INPP4B: variants seen among roughly 807,000 people sequenced by gnomAD.
INPP4B encodes the protein inositol polyphosphate 4-phosphatase type II.
A neutral mutation model predicts 122.5 loss-of-function variants in INPP4B; 55 were observed. The ratio of observed to expected loss-of-function variants is 0.45; its 90% CI spans 0.36 to 0.56. The LOEUF is 0.56. INPP4B is among the 20% of genes least tolerant of loss of function. INPP4B has a pLI of 0.00. For synonymous variants in INPP4B, 403 were observed against 388.7 expected (o/e 1.04, Z -0.43); for missense variants, 1,000 against 1,097.7 (o/e 0.91, Z 1.26).
At chr4:142,256,017 G>C (rs138934241) in intron 11 of INPP4B, among the ~76,000 whole-genome samples, 6,332 of 149,638 alleles carry the variant, frequency 0.042, 262 homozygotes, top group East Asian at 0.19. Flanking sequence ...TAAGACCACA[G>C]TGCAATCAAA....
At chr4:142,160,293 T>A in intron 17 of INPP4B, 65 bp downstream of exon 17, 1 of 1,079,402 alleles carries the variant, frequency 9.3e-7, no homozygotes, top group Non-Finnish European at 1.3e-6. Flanking sequence ...CAGAGCTATC[T>A]GATCATTCCT....
At chr4:142,436,443 C>T (rs181199132) in intron 3 of INPP4B, among the ~76,000 whole-genome samples, 2 of 152,242 alleles carry the variant, frequency 1.3e-5, no homozygotes, top group Admixed American at 1.3e-4. Flanking sequence ...CTTCCCATGC[C>T]ACCCAACTGG....
chr4:142,689,458 C>A (rs1759843107), intron 2 of INPP4B, among the ~76,000 whole-genome samples: 1 of 152,148 alleles, frequency 6.6e-6, no homozygotes, highest in Non-Finnish European at 1.5e-5. Flanking sequence ...AAATTGCAAT[C>A]TGTTACTTTC....
chr4:142,545,808 C>CATATATATGTGTGTATAT (rs1208267611), intron 2 of INPP4B, among the ~76,000 whole-genome samples: 831 of 80,028 alleles, frequency 0.01, 78 homozygotes, highest in African/African-American at 0.029. Context: ...TATATATACA[C>CATATATATGTGTGTATAT]ATATACATGT....
rs1198104747 is a variant in INPP4B at position 142,061,865 on chromosome 4, TACACAC to T, written c.2642+20160_2642+20165del. 5.8e-3 allele frequency among the ~76,000 whole-genome samples: 241 copies of T among 41,322 alleles called. 2 individuals are homozygous for T. Among genetic ancestry groups the T allele is most frequent in the African/African-American group, 0.013 (226 of 17,392 alleles). 27.1% of individuals were successfully genotyped at this position (41,322 alleles called of 152,430 possible). A position where few individuals can be genotyped will look rare whatever the true frequency, so the allele number is the denominator to read the frequency against. On this transcript the variant is annotated intron_variant, in intron 25 of 25. Transcript: ENST00000262992. The stretch of plus-strand genomic sequence containing the variant: ...ATGTACATATATACATATATATATG[TACACAC>T]ACACACACACACACATATATATATA...
At chr4:142,318,830 T>C (rs1052280238) in intron 7 of INPP4B, among the ~76,000 whole-genome samples, 3 of 152,208 alleles carry the variant, frequency 2.0e-5, no homozygotes, top group African/African-American at 7.2e-5. Context: ...TCTCACTCTT[T>C]CATGGAATTC....
intron 10 of INPP4B, among the ~76,000 whole-genome samples, chr4:142,261,819 G>A (rs1740173446): frequency 6.6e-6 from 1 of 152,162 alleles, no homozygotes; most frequent in South Asian, 2.1e-4. Context: ...ATAGTCTACT[G>A]CTTATTCCAC....
At chr4:142,077,937 G>C (rs1771703584) in intron 25 of INPP4B, among the ~76,000 whole-genome samples, 1 of 137,728 alleles carries the variant, frequency 7.3e-6, no homozygotes, top group South Asian at 2.5e-4. Flanking sequence ...CTAGTATGTG[G>C]TGGGACTTTG....
At chr4:142,319,965 G>T (rs952876587) in intron 7 of INPP4B, among the ~76,000 whole-genome samples, 7 of 152,180 alleles carry the variant, frequency 4.6e-5, no homozygotes, top group African/African-American at 1.7e-4. Flanking sequence ...AAATCAAGGT[G>T]TCAGCTGGCT....
intron 23 of INPP4B, among the ~76,000 whole-genome samples, chr4:142,101,338 G>A (rs1479858538): frequency 5.9e-5 from 9 of 152,088 alleles, no homozygotes; most frequent in Admixed American, 3.9e-4. Context: ...GGTGCCATCA[G>A]TATTGATTCC....
intron 5 of INPP4B, chr4:142,426,390 T>C (rs1439359541): frequency 6.6e-6 from 1 of 152,004 alleles, no homozygotes; most frequent in African/African-American, 2.4e-5. Context: ...ACAAACTCAG[T>C]GTTCTCTTAG....
chr4:142,397,292 T>A (rs781636419), intron 7 of INPP4B, among the ~76,000 whole-genome samples: 1 of 152,086 alleles, frequency 6.6e-6, no homozygotes, highest in Non-Finnish European at 1.5e-5. Flanking sequence ...AACCACGTAG[T>A]ACACATTTTA....
chr4:142,484,304 T>A (rs999664538), intron 2 of INPP4B, among the ~76,000 whole-genome samples: 9 of 152,134 alleles, frequency 5.9e-5, no homozygotes, highest in African/African-American at 2.2e-4. Context: ...TAGTATTTTT[T>A]AACACCAATT....
At chr4:142,567,067 A>G (rs1307745078) in intron 2 of INPP4B, among the ~76,000 whole-genome samples, 1 of 152,162 alleles carries the variant, frequency 6.6e-6, no homozygotes, top group Non-Finnish European at 1.5e-5. Flanking sequence ...ACATTCAAAT[A>G]TTTATATGTA....
chr4:142,131,682 G>A (rs1370769010), intron 18 of INPP4B, among the ~76,000 whole-genome samples: 2 of 152,226 alleles, frequency 1.3e-5, no homozygotes, highest in African/African-American at 2.4e-5. Flanking sequence ...ACAGCCGAGC[G>A]TGGTGGCTCA....
intron 2 of INPP4B, among the ~76,000 whole-genome samples, chr4:142,651,133 C>T (rs997294063): frequency 3.3e-5 from 5 of 151,862 alleles, no homozygotes; most frequent in Non-Finnish European, 1.5e-5. Flanking sequence ...GAGTAAATAA[C>T]AAAATTAAGG....
chr4:142,077,680 T>C (rs1222149884), intron 25 of INPP4B, among the ~76,000 whole-genome samples: 5 of 151,574 alleles, frequency 3.3e-5, no homozygotes, highest in Non-Finnish European at 7.4e-5. Context: ...GATAAAGTAT[T>C]CTCCCTTTCT....
At chr4:142,582,254 A>G (rs1357234974) in intron 2 of INPP4B, among the ~76,000 whole-genome samples, 1 of 152,132 alleles carries the variant, frequency 6.6e-6, no homozygotes, top group African/African-American at 2.4e-5. Flanking sequence ...AATGTTACTA[A>G]AGTATAAATT....
intron 25 of INPP4B, among the ~76,000 whole-genome samples, chr4:142,078,215 T>C (rs972043794): frequency 3.3e-5 from 5 of 152,028 alleles, no homozygotes. Flanking sequence ...TTTTGACAAT[T>C]GTACAAAGGG....
Sources: allele counts gnomAD v4.1 joint callset (sites outside exome capture counted in the v4.1 genomes callset), GRCh38; gene constraint gnomAD v4.1.1; transcripts MANE v1.5; gene names NCBI Gene and HGNC (gene_info 2026-07-23, HGNC 2026-07-21).